Variants in ZFHX3 observed in about 807,000 individuals in gnomAD.
ZFHX3 encodes the protein zinc finger homeobox 3.
Under a neutral mutation model 279.1 loss-of-function variants are expected in ZFHX3, and 42 were observed. The observed-to-expected ratio is 0.15, with a 90% confidence interval of 0.12 to 0.19. The LOEUF is 0.19. Among genes scored for constraint, ZFHX3 ranks in the 10% least tolerant of loss-of-function variants. ZFHX3 has a pLI of 1.00. For missense variants in ZFHX3, 4,981 were observed against 4,754.0 expected, an observed-to-expected ratio of 1.05 and a Z score of -1.40; for synonymous variants, 2,293 against 1,957.8, an observed-to-expected ratio of 1.17 and a Z score of -4.52.
At chr16:73,730,381 A>C (rs1434029748) in intron 1 of ZFHX3, among the ~76,000 whole-genome samples, 2 of 141,292 alleles carry the variant, frequency 1.4e-5, no homozygotes. Context: ...AAAAAGAAAA[A>C]GAGAGAGAAA....
chr16:73,487,943 A>T (rs1471039587), intron 2 of ZFHX3, among the ~76,000 whole-genome samples: 1 of 152,128 alleles, frequency 6.6e-6, no homozygotes, highest in South Asian at 2.1e-4. Context: ...GTCATTGCTG[A>T]CTCACCTGAG....
chr16:73,454,541 G>T (rs1240962968), intron 3 of ZFHX3, among the ~76,000 whole-genome samples: 12 of 146,294 alleles, frequency 8.2e-5, no homozygotes, highest in African/African-American at 2.8e-4. Context: ...CAAAAATGAG[G>T]CTCTGTTTCC....
chr16:73,795,777 G>C (rs1450669639), intron 1 of ZFHX3, among the ~76,000 whole-genome samples: 1 of 152,202 alleles, frequency 6.6e-6, no homozygotes, highest in Non-Finnish European at 1.5e-5. Context: ...ATGTTTAAAA[G>C]TGTGAGTTAA....
intron 1 of ZFHX3, chr16:73,014,292 G>A (rs1356373344): frequency 8.5e-5 from 12 of 141,730 alleles, no homozygotes; most frequent in Admixed American, 7.2e-4. Context: ...ATCAGTTTGC[G>A]GTTTTTTGCA....
chr16:73,306,581 C>T (rs1158733860), intron 4 of ZFHX3, among the ~76,000 whole-genome samples: 4 of 152,184 alleles, frequency 2.6e-5, no homozygotes, highest in African/African-American at 7.2e-5. Context: ...CCTTGGCCTC[C>T]GAAAGTGCTG....
At chr16:73,814,403 T>C (rs886684471) in intron 1 of ZFHX3, among the ~76,000 whole-genome samples, 9 of 142,430 alleles carry the variant, frequency 6.3e-5, no homozygotes, top group African/African-American at 2.6e-4. Context: ...GTGGAGATCA[T>C]TCTAAATTTA....
intron 1 of ZFHX3, among the ~76,000 whole-genome samples, chr16:73,682,975 AAAG>A (rs879887192): frequency 0.092 from 3,215 of 35,136 alleles, 300 homozygotes; most frequent in East Asian, 0.15. Flanking sequence ...AGAAAGAAAG[AAAG>A]AAAGAAAGAA....
chr16:73,488,141 G>A (rs575578106), intron 2 of ZFHX3, among the ~76,000 whole-genome samples: 22 of 152,332 alleles, frequency 1.4e-4, no homozygotes, highest in African/African-American at 4.6e-4. Flanking sequence ...CCTCACAAAA[G>A]GAGCCTAGAA....
intron 3 of ZFHX3, among the ~76,000 whole-genome samples, chr16:73,389,937 G>A (rs113521002): frequency 0.097 from 14,701 of 152,212 alleles, 892 homozygotes; most frequent in Middle Eastern, 0.14. Context: ...GCGCACGCCT[G>A]TAGTCCTGGC....
intron 1 of ZFHX3, among the ~76,000 whole-genome samples, chr16:72,998,195 G>A (rs1319862110): frequency 1.3e-5 from 2 of 152,134 alleles, no homozygotes; most frequent in East Asian, 3.9e-4. Context: ...GAGGTCGGGA[G>A]TTTGAGACCA....
At chr16:73,709,346 C>CAGAGAG (rs59857152) in intron 1 of ZFHX3, among the ~76,000 whole-genome samples, 19 of 145,280 alleles carry the variant, frequency 1.3e-4, no homozygotes, top group African/African-American at 3.9e-4. Context: ...GGCTGTGTGA[C>CAGAGAG]AGAGAGAGAG....
intron 2 of ZFHX3, among the ~76,000 whole-genome samples, chr16:73,492,694 G>A (rs1597356866): frequency 6.6e-6 from 1 of 152,144 alleles, no homozygotes; most frequent in Non-Finnish European, 1.5e-5. Flanking sequence ...ACCCTGGCAC[G>A]CATGGTTGCT....
chr16:73,875,549 A>G (rs550379829), intron 1 of ZFHX3, among the ~76,000 whole-genome samples: 1 of 152,084 alleles, frequency 6.6e-6, no homozygotes, highest in Non-Finnish European at 1.5e-5. Context: ...ACCAGTATTC[A>G]AAAAATACTT....
intron 2 of ZFHX3, among the ~76,000 whole-genome samples, chr16:73,555,609 T>G (rs1340417230): frequency 6.6e-6 from 1 of 151,504 alleles, no homozygotes; most frequent in Non-Finnish European, 1.5e-5. Context: ...GATGGGTGGA[T>G]TGCTTGAGGC....
chr16:73,482,412 C>T (rs1207814620), intron 2 of ZFHX3, among the ~76,000 whole-genome samples: 4 of 152,122 alleles, frequency 2.6e-5, no homozygotes, highest in African/African-American at 4.8e-5. Flanking sequence ...GTGTGAGGAT[C>T]GGCCCTTCAC....
intron 3 of ZFHX3, among the ~76,000 whole-genome samples, chr16:73,364,322 C>T (rs2016490059): frequency 6.7e-6 from 1 of 150,232 alleles, no homozygotes; most frequent in Non-Finnish European, 1.5e-5. Context: ...TGTTTATTTA[C>T]ATTTTATAAT....
chr16:73,261,897 A>C (rs2013838587), intron 4 of ZFHX3, among the ~76,000 whole-genome samples: 1 of 151,642 alleles, frequency 6.6e-6, no homozygotes, highest in Admixed American at 6.6e-5. Context: ...CTGGTCTCAA[A>C]CTCCTGACCT....
intron 3 of ZFHX3, among the ~76,000 whole-genome samples, chr16:73,393,422 C>G (rs2017060233): frequency 2.0e-5 from 3 of 152,164 alleles, no homozygotes; most frequent in African/African-American, 7.2e-5. Flanking sequence ...TTCCTCCATA[C>G]AAATGTTACA....
chr16:72,896,069 G>C (rs1015888889), intron 3 of ZFHX3, among the ~76,000 whole-genome samples: 1 of 152,094 alleles, frequency 6.6e-6, no homozygotes, highest in African/African-American at 2.4e-5. Context: ...GTCATAAATG[G>C]GAGCAGAAAA....
Sources: allele counts gnomAD v4.1 joint callset (sites outside exome capture counted in the v4.1 genomes callset), GRCh38; gene constraint gnomAD v4.1.1; transcripts MANE v1.5; gene names NCBI Gene and HGNC (gene_info 2026-07-23, HGNC 2026-07-21).